NDST4: variants seen among roughly 807,000 people sequenced by gnomAD.
NDST4 encodes N-deacetylase and N-sulfotransferase 4, also known as N-heparan sulfate sulfotransferase 4.
Under a neutral mutation model 100.8 loss-of-function variants are expected in NDST4, and 63 were observed. That is an observed-to-expected ratio of 0.62 (90% CI 0.51 to 0.77). The LOEUF (loss-of-function observed/expected upper bound fraction) is 0.77. Among genes scored for constraint, NDST4 ranks in the 30% least tolerant of loss-of-function variants. The pLI is 0.00. For missense variants in NDST4, 943 were observed against 1,018.4 expected (o/e 0.93, Z 1.01); for synonymous variants, 377 against 361.8 (o/e 1.04, Z -0.48).
chr4:114,902,204 GTT>G (rs758647265), intron 6 of NDST4, among the ~76,000 whole-genome samples: 3 of 151,810 alleles, frequency 2.0e-5, no homozygotes, highest in Admixed American at 6.6e-5. Flanking sequence ...GTAGAATCAA[GTT>G]TATGACCTGC....
intron 2 of NDST4, among the ~76,000 whole-genome samples, chr4:115,008,410 T>G (rs143948262): frequency 0.013 from 1,697 of 129,144 alleles, 409 homozygotes; most frequent in African/African-American, 0.044. Context: ...ACAAAATCAC[T>G]CAGCATTTGC....
At chr4:115,075,524 C>T (rs1035243016) in intron 2 of NDST4, among the ~76,000 whole-genome samples, 2 of 152,080 alleles carry the variant, frequency 1.3e-5, no homozygotes, top group African/African-American at 2.4e-5. Flanking sequence ...CAGTGGCTCA[C>T]GCCTGTAATC....
chr4:114,959,084 C>T (rs1043484387), intron 4 of NDST4, among the ~76,000 whole-genome samples: 3 of 152,154 alleles, frequency 2.0e-5, no homozygotes, highest in Non-Finnish European at 4.4e-5. Flanking sequence ...ACCTCTATTA[C>T]AGTTTGTAAC....
chr4:114,848,186 T>C (rs1418782459), intron 9 of NDST4, 29 bp downstream of exon 9: 1 of 1,573,822 alleles, frequency 6.4e-7, no homozygotes, highest in South Asian at 1.2e-5. Flanking sequence ...GTGTTAATAA[T>C]GGAATTTATT....
intron 4 of NDST4, among the ~76,000 whole-genome samples, 176 bp downstream of exon 4, chr4:114,970,254 C>T (rs1042976986): frequency 1.3e-5 from 2 of 152,072 alleles, no homozygotes; most frequent in Non-Finnish European, 2.9e-5. Flanking sequence ...TTTACATATA[C>T]ACACATGCCT....
chr4:114,865,240 T>C (rs1280078285), intron 7 of NDST4, among the ~76,000 whole-genome samples: 1 of 152,018 alleles, frequency 6.6e-6, no homozygotes, highest in Non-Finnish European at 1.5e-5. Flanking sequence ...AATTTTTGTA[T>C]TTTTAGTAGA....
At chr4:115,035,018 C>G (rs1293772180) in intron 2 of NDST4, among the ~76,000 whole-genome samples, 2 of 152,074 alleles carry the variant, frequency 1.3e-5, no homozygotes, top group Non-Finnish European at 2.9e-5. Context: ...CAATAAATTT[C>G]TTGCATGTCT....
chr4:114,914,012 A>C (rs1578385003), intron 6 of NDST4, among the ~76,000 whole-genome samples: 1 of 152,122 alleles, frequency 6.6e-6, no homozygotes, highest in East Asian at 1.9e-4. Flanking sequence ...AAAATGGAAT[A>C]AGATCCTGTC....
chr4:114,956,248 A>G (rs868589238), intron 4 of NDST4, among the ~76,000 whole-genome samples: 1 of 152,122 alleles, frequency 6.6e-6, no homozygotes, highest in Admixed American at 6.6e-5. Context: ...AGTTACCTTT[A>G]TCTCTGAGCA....
At chr4:114,961,853 C>T (rs939130802) in intron 4 of NDST4, among the ~76,000 whole-genome samples, 1 of 151,912 alleles carries the variant, frequency 6.6e-6, no homozygotes, top group Non-Finnish European at 1.5e-5. Context: ...CTAGTATCAC[C>T]CTGACATCAA....
intron 2 of NDST4, among the ~76,000 whole-genome samples, chr4:114,981,824 T>C (rs1726780282): frequency 6.6e-6 from 1 of 152,232 alleles, no homozygotes; most frequent in Non-Finnish European, 1.5e-5. Flanking sequence ...CATTTTGATA[T>C]AGTCTTTGAT....
chr4:114,999,149 T>G (rs1727228644), intron 2 of NDST4, among the ~76,000 whole-genome samples: 1 of 152,104 alleles, frequency 6.6e-6, no homozygotes, highest in Non-Finnish European at 1.5e-5. Context: ...TTTGCTTCAC[T>G]GAGATATTTA....
chr4:114,975,027 G>A (rs752972289), intron 3 of NDST4, among the ~76,000 whole-genome samples: 12 of 152,166 alleles, frequency 7.9e-5, no homozygotes, highest in Non-Finnish European at 1.6e-4. Flanking sequence ...CACATGTAAG[G>A]AATGCACCTC....
intron 6 of NDST4, among the ~76,000 whole-genome samples, chr4:114,877,423 T>C (rs10009553): frequency 0.27 from 40,623 of 152,076 alleles, 8,136 homozygotes; most frequent in African/African-American, 0.56. Flanking sequence ...CTAGACACTT[T>C]AAGATAATAA....
At chr4:115,081,226 A>G (rs1052947350) in intron 1 of NDST4, among the ~76,000 whole-genome samples, 1 of 152,186 alleles carries the variant, frequency 6.6e-6, no homozygotes, top group Non-Finnish European at 1.5e-5. Context: ...CCACCATGGA[A>G]GACATATGTG....
chr4:115,011,744 T>C (rs1229675734), intron 2 of NDST4, among the ~76,000 whole-genome samples: 1 of 151,954 alleles, frequency 6.6e-6, no homozygotes, highest in African/African-American at 2.4e-5. Context: ...TATATTCCAA[T>C]ATAGCTTCCT....
intron 7 of NDST4, among the ~76,000 whole-genome samples, chr4:114,865,245 A>G (rs1375787638): frequency 6.6e-6 from 1 of 151,886 alleles, no homozygotes. Context: ...TTGTATTTTT[A>G]GTAGAGACGG....
At chr4:114,995,979 T>A (rs1007285362) in intron 2 of NDST4, among the ~76,000 whole-genome samples, 7 of 152,106 alleles carry the variant, frequency 4.6e-5, no homozygotes, top group African/African-American at 1.7e-4. Flanking sequence ...GTATTTATAT[T>A]CATGAAGAAA....
chr4:114,867,745 A>T (rs1033353857), intron 7 of NDST4, among the ~76,000 whole-genome samples: 1 of 146,726 alleles, frequency 6.8e-6, no homozygotes, highest in Non-Finnish European at 1.5e-5. Context: ...ATAATAAAGG[A>T]CATGAATTAA....
Sources: gnomAD v4.1 joint callset for allele counts (sites outside exome capture counted in the v4.1 genomes callset) on GRCh38, gnomAD v4.1.1 for gene constraint, MANE v1.5 for transcripts, NCBI Gene and HGNC (gene_info 2026-07-23, HGNC 2026-07-21) for gene names.